Variants in GRM8 observed in about 807,000 individuals in gnomAD.
GRM8 encodes the protein glutamate metabotropic receptor 8, also known as metabotropic glutamate receptor 8.
Under a neutral mutation model 87.2 loss-of-function variants are expected in GRM8, and 47 were observed. The ratio of observed to expected loss-of-function variants is 0.54; its 90% CI spans 0.43 to 0.69. The LOEUF is 0.69. GRM8 is among the 30% of genes least tolerant of loss of function. The pLI, the probability that GRM8 is intolerant of heterozygous loss-of-function variation, is 0.00. For missense variants in GRM8, 1,019 were observed against 1,139.2 expected (o/e 0.89, Z 1.52); for synonymous variants, 396 against 404.5 (o/e 0.98, Z 0.25).
Position 127,216,535 on chromosome 7 carries a change from C to CA in GRM8, c.510+26159dup, listed in dbSNP as rs796757040. ...TCCGTCTCAAAAAAAAAAAAAAAAA[C>CA]AAAAAAAAAAAAAGAAGAAGCTGAG... On this transcript the variant is annotated intron_variant, in intron 2 of 10. Transcript: ENST00000339582. Among the ~76,000 whole-genome samples the CA allele has an allele frequency of 5.2e-3, 606 of 115,936 alleles. 8 individuals carry two copies. Among genetic ancestry groups the CA allele is most frequent in the Admixed American group, 0.039 (425 of 10,876 alleles). The allele number at this position is 115,936 out of a possible 152,430, so 76.1% of individuals were successfully genotyped here. A position where few individuals can be genotyped will look rare whatever the true frequency, so the allele number is the denominator to read the frequency against.
At chr7:126,962,361 C>T (rs1809407721) in intron 3 of GRM8, among the ~76,000 whole-genome samples, 1 of 152,130 alleles carries the variant, frequency 6.6e-6, no homozygotes, top group Non-Finnish European at 1.5e-5. Flanking sequence ...CATGCTGCTG[C>T]ATATGGTCAA....
At chr7:127,095,749 C>T (rs1239388670) in intron 3 of GRM8, 1 of 152,176 alleles carries the variant, frequency 6.6e-6, no homozygotes, top group African/African-American at 2.4e-5. Flanking sequence ...TGCTCTCTCT[C>T]AGGCACAGTG....
At chr7:126,565,707 A>G (rs1399329530) in intron 8 of GRM8, among the ~76,000 whole-genome samples, 2 of 152,158 alleles carry the variant, frequency 1.3e-5, no homozygotes, top group African/African-American at 2.4e-5. Flanking sequence ...ATATTAAACT[A>G]TAAAAGAACC....
intron 7 of GRM8, among the ~76,000 whole-genome samples, chr7:126,705,222 T>C (rs1294877623): frequency 6.6e-6 from 1 of 152,188 alleles, no homozygotes; most frequent in African/African-American, 2.4e-5. Flanking sequence ...CTTACTTTGC[T>C]ATAATTACTA....
At chr7:126,441,025 C>T (rs932246070) in intron 10 of GRM8, among the ~76,000 whole-genome samples, 10 of 151,888 alleles carry the variant, frequency 6.6e-5, no homozygotes, top group Non-Finnish European at 1.5e-4. Context: ...ATTATCTGTC[C>T]TACAAAATAT....
intron 9 of GRM8, among the ~76,000 whole-genome samples, chr7:126,480,685 G>A (rs151018863): frequency 9.9e-5 from 15 of 152,094 alleles, no homozygotes; most frequent in African/African-American, 3.1e-4. Flanking sequence ...TCAGTAAAAC[G>A]CAAGGGCTTT....
intron 8 of GRM8, among the ~76,000 whole-genome samples, chr7:126,571,781 C>A (rs1794712685): frequency 6.7e-6 from 1 of 150,016 alleles, no homozygotes; most frequent in South Asian, 2.1e-4. Flanking sequence ...CACCCTGTCA[C>A]CCAGGCTGGA....
At chr7:127,131,516 T>C (rs17864138) in intron 2 of GRM8, among the ~76,000 whole-genome samples, 2 of 152,324 alleles carry the variant, frequency 1.3e-5, no homozygotes, top group Non-Finnish European at 2.9e-5. Context: ...GTAAGTGCCA[T>C]ATTCCAGGGC....
intron 7 of GRM8, among the ~76,000 whole-genome samples, chr7:126,750,064 C>T (rs555177415): frequency 1.3e-5 from 2 of 152,208 alleles, no homozygotes; most frequent in South Asian, 4.1e-4. Context: ...CTTTATTCTT[C>T]ACGGGGAAAA....
At chr7:127,076,735 C>T (rs182747863) in intron 3 of GRM8, among the ~76,000 whole-genome samples, 3 of 152,278 alleles carry the variant, frequency 2.0e-5, no homozygotes, top group East Asian at 1.9e-4. Flanking sequence ...CGTGTCCATT[C>T]CAAAACTGGC....
At chr7:126,995,335 A>G (rs561623019) in intron 3 of GRM8, among the ~76,000 whole-genome samples, 3 of 152,228 alleles carry the variant, frequency 2.0e-5, no homozygotes, top group Non-Finnish European at 4.4e-5. Flanking sequence ...CCATCTAGGA[A>G]AACATGACCT....
At chr7:126,589,126 T>TG (rs749409759) in intron 8 of GRM8, among the ~76,000 whole-genome samples, 4 of 152,044 alleles carry the variant, frequency 2.6e-5, no homozygotes, top group Non-Finnish European at 5.9e-5. Context: ...GGACAGAACT[T>TG]GGGGGAGAGA....
intron 2 of GRM8, among the ~76,000 whole-genome samples, chr7:127,234,194 C>T (rs914494898): frequency 2.6e-5 from 4 of 152,172 alleles, no homozygotes; most frequent in Non-Finnish European, 5.9e-5. Flanking sequence ...GTAGCTGAGA[C>T]AAATCATAGC....
chr7:126,539,589 TAAAC>T (rs1156452143), intron 8 of GRM8, among the ~76,000 whole-genome samples: 3 of 151,958 alleles, frequency 2.0e-5, no homozygotes, highest in Non-Finnish European at 4.4e-5. Flanking sequence ...GGCATAATAA[TAAAC>T]AAATTAGTGG....
Position 127,051,739 on chromosome 7 carries a change from C to CAAA in GRM8, c.727+54754_727+54756dup, listed in dbSNP as rs59713382. Among the ~76,000 whole-genome samples, 64 of 58,452 alleles carry CAAA rather than the reference C, an allele frequency of 1.1e-3. 4 individuals carry two copies. The highest frequency in any genetic ancestry group is 3.3e-3 in the African/African-American group (55 of 16,568). The allele number at this position is 58,452 out of a possible 152,430, so 38.3% of individuals were successfully genotyped here. A position where few individuals can be genotyped will look rare whatever the true frequency, so the allele number is the denominator to read the frequency against. On this transcript the variant is annotated intron_variant, in intron 3 of 10. Transcript: ENST00000339582. ...GAAATCTCAAAAACATAATGTTGAG[C>CAAA]AAAAAAAAAAAAAAAAAAAAAAAAA...
At chr7:126,718,596 T>A (rs919451432) in intron 7 of GRM8, among the ~76,000 whole-genome samples, 1 of 152,088 alleles carries the variant, frequency 6.6e-6, no homozygotes, top group Non-Finnish European at 1.5e-5. Flanking sequence ...CAACTGAGAG[T>A]CAAAGGTAGA....
chr7:126,782,816 CA>C (rs762458373), intron 6 of GRM8, among the ~76,000 whole-genome samples: 2 of 152,164 alleles, frequency 1.3e-5, no homozygotes, highest in African/African-American at 2.4e-5. Context: ...CTGTACAATG[CA>C]GTCAATCCTC....
At chr7:126,946,569 G>C (rs1202105619) in intron 3 of GRM8, among the ~76,000 whole-genome samples, 1 of 152,136 alleles carries the variant, frequency 6.6e-6, no homozygotes, top group Admixed American at 6.6e-5. Flanking sequence ...CTTGCCAGCT[G>C]GATAGTGATA....
intron 7 of GRM8, among the ~76,000 whole-genome samples, chr7:126,629,114 G>C (rs1325695734): frequency 1.3e-5 from 2 of 152,150 alleles, no homozygotes; most frequent in Non-Finnish European, 2.9e-5. Flanking sequence ...ACTTAGGCTT[G>C]CTATTGTGCC....
Sources: allele counts gnomAD v4.1 joint callset (sites outside exome capture counted in the v4.1 genomes callset), GRCh38; gene constraint gnomAD v4.1.1; transcripts MANE v1.5; gene names NCBI Gene and HGNC (gene_info 2026-07-23, HGNC 2026-07-21).